Variants in ARMC9 observed in about 807,000 individuals in gnomAD.
ARMC9 encodes the protein armadillo repeat containing 9, also known as lisH domain-containing protein ARMC9.
ARMC9 carries 94 observed loss-of-function variants against 107.0 expected under a neutral mutation model. The observed-to-expected ratio is 0.88, with a 90% CI of 0.74 to 1.04. The LOEUF (loss-of-function observed/expected upper bound fraction) is 1.04, where lower values mean the gene tolerates loss of function less well. Ranked by LOEUF, ARMC9 falls within the 50% of genes least tolerant of loss-of-function variation. The pLI is 0.00. For missense variants in ARMC9, 942 were observed against 1,030.1 expected, an observed-to-expected ratio of 0.91 and a Z score of 1.17; for synonymous variants, 380 against 396.9, an observed-to-expected ratio of 0.96 and a Z score of 0.51.
At chr2:231,201,252 C>T (rs1017829413) in intron 1 of ARMC9, among the ~76,000 whole-genome samples, 1 of 152,198 alleles carries the variant, frequency 6.6e-6, no homozygotes, top group Non-Finnish European at 1.5e-5. Context: ...CAGATCACTA[C>T]CCACTCCTTC....
intron 5 of ARMC9, among the ~76,000 whole-genome samples, chr2:231,220,490 CG>C (rs1553593549): frequency 1.4e-4 from 21 of 150,642 alleles, no homozygotes; most frequent in Non-Finnish European, 1.5e-5. Context: ...CCAGCTACTC[CG>C]GAGGCTGAGG....
At chr2:231,352,578 C>T (rs2045136388) in intron 21 of ARMC9, among the ~76,000 whole-genome samples, 1 of 151,716 alleles carries the variant, frequency 6.6e-6, no homozygotes, top group African/African-American at 2.4e-5. Flanking sequence ...CCCGCCTTGG[C>T]TTCCCAAAGT....
chr2:231,374,475 A>C lies in ARMC9; in HGVS notation c.*2940A>C, dbSNP rs2046135212. 6.6e-6 allele frequency: 1 copy of C among 152,140 alleles called. No homozygotes were observed. Among genetic ancestry groups the C allele is most frequent in the Admixed American group, 6.6e-5 (1 of 15,260 alleles). The allele number at this position is 152,140 out of a possible 1,614,324, so 9.4% of individuals were successfully genotyped here. A position where few individuals can be genotyped will look rare whatever the true frequency, so the allele number is the denominator to read the frequency against. ...ACTTTAATAGGCAGGTGGAGGTTTG[A>C]GATCCAGTGAGATGCCAGAGATTAG... On this transcript the variant is annotated 3_prime_UTR_variant, in exon 25 of 25. Transcript: ENST00000611582.
intron 11 of ARMC9, among the ~76,000 whole-genome samples, chr2:231,261,947 C>T (rs970715301): frequency 1.4e-5 from 2 of 145,120 alleles, no homozygotes; most frequent in Non-Finnish European, 3.0e-5. Context: ...CTCAGCCTCC[C>T]GAGTAGCTGG....
At chr2:231,323,374 C>T (rs990473970) in intron 19 of ARMC9, among the ~76,000 whole-genome samples, 6 of 152,302 alleles carry the variant, frequency 3.9e-5, no homozygotes, top group South Asian at 2.1e-4. Context: ...GTGGAGCAAG[C>T]GCCTGCTATC....
chr2:231,348,727 A>G (rs2044912058), intron 21 of ARMC9, among the ~76,000 whole-genome samples: 1 of 152,150 alleles, frequency 6.6e-6, no homozygotes, highest in South Asian at 2.1e-4. Context: ...AGCTCAAACA[A>G]CTCTATAGGA....
intron 9 of ARMC9, among the ~76,000 whole-genome samples, chr2:231,244,415 G>A (rs1396745217): frequency 6.8e-6 from 1 of 147,858 alleles, no homozygotes; most frequent in Non-Finnish European, 1.5e-5. Context: ...TACCCAGGCT[G>A]GAGTGCATTG....
chr2:231,213,217 C>A (rs1559294759), intron 3 of ARMC9, among the ~76,000 whole-genome samples: 4 of 145,146 alleles, frequency 2.8e-5, no homozygotes, highest in South Asian at 4.3e-4. Context: ...AGGCTGAAAT[C>A]CAGTGGTGGG....
intron 11 of ARMC9, among the ~76,000 whole-genome samples, chr2:231,262,044 G>C (rs1331488470): frequency 6.6e-6 from 1 of 152,068 alleles, no homozygotes; most frequent in African/African-American, 2.4e-5. Flanking sequence ...GGATGGTCTT[G>C]ATCTCTTGAC....
intron 19 of ARMC9, among the ~76,000 whole-genome samples, chr2:231,312,151 C>A (rs1309242631): frequency 6.6e-6 from 1 of 152,204 alleles, no homozygotes; most frequent in African/African-American, 2.4e-5. Flanking sequence ...TGGACTTACT[C>A]ATGTGGCTTC....
chr2:231,228,796 C>G (rs571395453), intron 7 of ARMC9, among the ~76,000 whole-genome samples: 6 of 152,204 alleles, frequency 3.9e-5, no homozygotes, highest in African/African-American at 1.2e-4. Context: ...CTGTTCTGAA[C>G]TAGCCTTTGG....
chr2:231,265,906 G>A (rs924338168), intron 12 of ARMC9, among the ~76,000 whole-genome samples: 4 of 151,844 alleles, frequency 2.6e-5, no homozygotes, highest in African/African-American at 9.7e-5. Flanking sequence ...TACTTGGGAA[G>A]CTGAGTGCTT....
At chr2:231,343,899 G>A (rs1280039959) in intron 20 of ARMC9, among the ~76,000 whole-genome samples, 9 of 148,220 alleles carry the variant, frequency 6.1e-5, no homozygotes, top group South Asian at 2.1e-4. Flanking sequence ...ACCTCGTCTC[G>A]AGGAAAAAAA....
At chr2:231,334,071 T>A (rs2125562216) in intron 20 of ARMC9, among the ~76,000 whole-genome samples, 1 of 152,332 alleles carries the variant, frequency 6.6e-6, no homozygotes, top group South Asian at 2.1e-4. Context: ...CTTACCATAA[T>A]ATGCAGTTCT....
intron 6 of ARMC9, among the ~76,000 whole-genome samples, chr2:231,223,797 C>T (rs1559311509): frequency 6.6e-6 from 1 of 152,194 alleles, no homozygotes; most frequent in African/African-American, 2.4e-5. Flanking sequence ...CTACAGCTCT[C>T]GTCTCTGCCT....
chr2:231,212,272 A>C (rs1185070388), intron 3 of ARMC9, among the ~76,000 whole-genome samples: 2 of 152,176 alleles, frequency 1.3e-5, no homozygotes, highest in African/African-American at 4.8e-5. Context: ...TGTGACTGTA[A>C]GTTATAATAG....
intron 3 of ARMC9, among the ~76,000 whole-genome samples, chr2:231,210,586 G>T (rs1226772160): frequency 6.6e-6 from 1 of 152,228 alleles, no homozygotes; most frequent in Non-Finnish European, 1.5e-5. Flanking sequence ...CACATGACCA[G>T]ATGATGTGAT....
At chr2:231,262,878 A>G (rs1047750161) in intron 12 of ARMC9, among the ~76,000 whole-genome samples, 5 of 152,308 alleles carry the variant, frequency 3.3e-5, no homozygotes, top group African/African-American at 1.2e-4. Flanking sequence ...TCTACCACTC[A>G]TTAGCCAGGT....
intron 2 of ARMC9, among the ~76,000 whole-genome samples, chr2:231,207,098 G>A (rs1254137988): frequency 6.6e-6 from 1 of 152,214 alleles, no homozygotes; most frequent in African/African-American, 2.4e-5. Context: ...TTGAACTCCT[G>A]GGCTCAAGCA....
Sources: allele counts gnomAD v4.1 joint callset (sites outside exome capture counted in the v4.1 genomes callset), GRCh38; gene constraint gnomAD v4.1.1; transcripts MANE v1.5; gene names NCBI Gene and HGNC (gene_info 2026-07-23, HGNC 2026-07-21).